The following UPP2 variants were observed in gnomAD, a reference collection of about 807,000 sequenced individuals.
UPP2 encodes UPase 2.
A neutral mutation model predicts 26.7 loss-of-function variants in UPP2; 23 were observed. That is an observed-to-expected ratio of 0.86 (90% confidence interval 0.62 to 1.22). The LOEUF is 1.22. Among genes scored for constraint, UPP2 ranks in the 50% most tolerant of loss-of-function variants. The pLI, the probability that UPP2 is intolerant of heterozygous loss-of-function variation, is 0.00. For missense variants in UPP2, 387 were observed against 396.7 expected, an observed-to-expected ratio of 0.98 and a Z score of 0.21; for synonymous variants, 127 against 141.3, an observed-to-expected ratio of 0.90 and a Z score of 0.72.
intron 3 of UPP2, among the ~76,000 whole-genome samples, chr2:158,043,668 G>C (rs1349612956): frequency 6.6e-6 from 1 of 152,208 alleles, no homozygotes; most frequent in African/African-American, 2.4e-5. Context: ...TCTTGTATGT[G>C]CTTGCTTAGG....
At chr2:158,069,077 C>T (rs1682495112) in intron 3 of UPP2, among the ~76,000 whole-genome samples, 1 of 151,634 alleles carries the variant, frequency 6.6e-6, no homozygotes, top group Non-Finnish European at 1.5e-5. Context: ...TCCCAAAGTG[C>T]TAGGATTACA....
chr2:158,129,413 A>AT (rs1437690060), intron 6 of UPP2, among the ~76,000 whole-genome samples: 1 of 152,112 alleles, frequency 6.6e-6, no homozygotes, highest in African/African-American at 2.4e-5. Flanking sequence ...CATGTGAGGC[A>AT]TGTAAGCTGA....
intron 3 of UPP2, among the ~76,000 whole-genome samples, chr2:158,074,845 T>TTA (rs1553467107): frequency 4.9e-4 from 74 of 150,132 alleles, no homozygotes; most frequent in Middle Eastern, 6.8e-3. Context: ...TTTTTTTTTT[T>TTA]AAAAGACCAA....
Position 158,121,543 on chromosome 2 carries a change from T to C in UPP2, c.589T>C (p.Phe197Leu), listed in dbSNP as rs778750072. Reference sequence around the variant, plus strand: ...GGACAAAGAACTGTCTGAAGAACTGTTCAACTGTAGCAAAGAAATCCCCAA... The same window carrying C: ...GGACAAAGAACTGTCTGAAGAACTGCTCAACTGTAGCAAAGAAATCCCCAA... ...ELDKELSEEL[F>L]NCSKEIPNFP... The change falls in exon 5 of 7, where the codon TTC becomes CTC. Residue 197 changes from phenylalanine (F) to leucine (L), a missense_variant. Physicochemically the swap from Phe to Leu is conservative, Grantham distance 22. Transcript: ENST00000005756. 1 of 1,613,552 alleles carries C rather than the reference T, an allele frequency of 6.2e-7. No individual in the cohort carries two copies. The highest frequency in any genetic ancestry group is 1.1e-5 in the South Asian group (1 of 91,074).
intron 3 of UPP2, among the ~76,000 whole-genome samples, chr2:158,031,309 C>G (rs1683916883): frequency 6.6e-6 from 1 of 152,106 alleles, no homozygotes; most frequent in Non-Finnish European, 1.5e-5. Context: ...ACATAAAAGG[C>G]CCTCAAGAAC....
At chr2:158,013,670 C>T (rs1448794865) in intron 2 of UPP2, among the ~76,000 whole-genome samples, 3 of 152,194 alleles carry the variant, frequency 2.0e-5, no homozygotes, top group East Asian at 1.9e-4. Flanking sequence ...AGAGTTCCTG[C>T]GTGGCAACAG....
intron 3 of UPP2, among the ~76,000 whole-genome samples, chr2:158,020,254 T>G (rs975214478): frequency 2.0e-5 from 3 of 152,216 alleles, no homozygotes; most frequent in African/African-American, 7.2e-5. Flanking sequence ...CCTTCTGACT[T>G]CACTGCTCCT....
intron 3 of UPP2, chr2:158,065,868 G>A (rs1355801917): frequency 1.5e-5 from 10 of 655,680 alleles, no homozygotes; most frequent in Non-Finnish European, 2.8e-5. Flanking sequence ...TGCAGGCCTT[G>A]GGAGAGCTCC....
intron 3 of UPP2, among the ~76,000 whole-genome samples, chr2:158,052,665 T>A (rs1012293252): frequency 2.0e-5 from 3 of 152,338 alleles, no homozygotes; most frequent in Admixed American, 1.3e-4. Flanking sequence ...ATTTGTAGAA[T>A]AGAATTAATA....
Position 158,056,324 on chromosome 2 carries a change from G to A in UPP2, c.147+40438G>A, listed in dbSNP as rs555941722. 1.0e-3 allele frequency among the ~76,000 whole-genome samples: 156 copies of A among 151,430 alleles called. 2 individuals carry two copies. The highest frequency in any genetic ancestry group is 1.7e-3 in the Admixed American group (26 of 15,200). The stretch of plus-strand genomic sequence containing the variant: ...TCTTATATTACACCATGGTACATTT[G>A]TTACAATTAATGATCCAGTAGTGGA... On this transcript the variant is annotated intron_variant, in intron 3 of 9. Coordinates refer to the UPP2 transcript ENST00000605860.
rs1245933423 is a variant in UPP2, at chr2:158,104,971, GGAAGGGAAGA to G, written c.63-1118_63-1109del. Among the ~76,000 whole-genome samples the G allele has an allele frequency of 2.5e-3, 181 of 71,618 alleles. 1 individual carries two copies. Among genetic ancestry groups the G allele is most frequent in the East Asian group, 7.5e-3 (11 of 1,466 alleles). The allele number at this position is 71,618 out of a possible 152,430, so 47.0% of individuals were successfully genotyped here. On this transcript the variant is annotated intron_variant, in intron 1 of 6. Coordinates refer to ENST00000005756, the MANE Select transcript of UPP2 (RefSeq NM_173355.4). ...GGAAGGGAAGGGAAGGGAAGGGAAG[GGAAGGGAAGA>G]GAAGGGAAGGGAAGGGAGGGGAGGG...
intron 3 of UPP2, among the ~76,000 whole-genome samples, chr2:158,056,012 G>A (rs1258895999): frequency 6.6e-6 from 1 of 152,146 alleles, no homozygotes; most frequent in Non-Finnish European, 1.5e-5. Flanking sequence ...GGAGAGGAAG[G>A]AGACAAGACT....
chr2:158,114,791 A>G (rs377265693), intron 2 of UPP2, among the ~76,000 whole-genome samples: 47 of 152,300 alleles, frequency 3.1e-4, no homozygotes, highest in African/African-American at 1.1e-3. Context: ...TAGGCTGTCT[A>G]TGTCAATTTA....
chr2:158,037,992 C>T (rs954717683), intron 3 of UPP2, among the ~76,000 whole-genome samples: 15 of 152,126 alleles, frequency 9.9e-5, no homozygotes, highest in Admixed American at 9.2e-4. Context: ...TAGAAAGAAA[C>T]TAAGGCAGAA....
rs1004827281 is a variant in UPP2, at chr2:158,128,616, G to C, written c.811+4721G>C. 2.0e-5 allele frequency among the ~76,000 whole-genome samples: 3 copies of C among 152,186 alleles called. No homozygotes were observed. The East Asian group carries it at 5.8e-4, about 29-fold the overall frequency. ...AACTTTCCCACCTTCTCAGAGCTGG[G>C]AAACAGGTGAGCTGGACTTTGAACC... On this transcript the variant is annotated intron_variant, in intron 6 of 6. Transcript: ENST00000005756.
intron 3 of UPP2, among the ~76,000 whole-genome samples, chr2:158,074,624 C>A (rs1285613455): frequency 6.8e-6 from 1 of 147,476 alleles, no homozygotes; most frequent in Non-Finnish European, 1.5e-5. Context: ...AAATCATACA[C>A]CAGAGAAAAT....
At chr2:158,035,078 A>G (rs1683979058) in intron 3 of UPP2, among the ~76,000 whole-genome samples, 1 of 151,956 alleles carries the variant, frequency 6.6e-6, no homozygotes. Flanking sequence ...AAAAGATTGC[A>G]TTTTCAGGTA....
In UPP2 at chr2:158,135,075, T is replaced by G; in HGVS notation, c.*185T>G. 1 of 672,990 alleles carries G rather than the reference T, an allele frequency of 1.5e-6. No homozygotes were observed. Among genetic ancestry groups the G allele is most frequent in the East Asian group, 3.4e-5 (1 of 29,456 alleles). The allele number at this position is 672,990 out of a possible 1,614,324, so 41.7% of individuals were successfully genotyped here. ...AAAAGAATACTCACACTAAATTAAA[T>G]TCAAATTTCATTTTAGAATAAGTTA... On this transcript the variant is annotated 3_prime_UTR_variant, in exon 7 of 7. Coordinates refer to ENST00000005756, the MANE Select transcript of UPP2 (RefSeq NM_173355.4).
chr2:158,040,821 G>C (rs1684072700), intron 3 of UPP2, among the ~76,000 whole-genome samples: 1 of 152,200 alleles, frequency 6.6e-6, no homozygotes, highest in Non-Finnish European at 1.5e-5. Context: ...AGTAGGATAA[G>C]ATTTGATTTA....
Sources: allele counts gnomAD v4.1 joint callset (sites outside exome capture counted in the v4.1 genomes callset), GRCh38; gene constraint gnomAD v4.1.1; transcripts MANE v1.5; gene names NCBI Gene and HGNC (gene_info 2026-07-23, HGNC 2026-07-21).